PRKCE: variants seen among roughly 807,000 people sequenced by gnomAD.
The protein encoded by PRKCE is protein kinase C epsilon type.
In PRKCE, 16 loss-of-function variants were observed where a neutral mutation model predicts 85.4. That is an observed-to-expected ratio of 0.19 (90% CI 0.13 to 0.28). PRKCE has a LOEUF of 0.28. Ranked by LOEUF, PRKCE falls within the 10% of genes least tolerant of loss-of-function variation. PRKCE has a pLI of 1.00. For missense variants in PRKCE, 573 were observed against 975.2 expected (o/e 0.59, Z 5.49); for synonymous variants, 388 against 371.5 (o/e 1.04, Z -0.51).
chr2:46,046,054 C>G (rs577373865), intron 10 of PRKCE, among the ~76,000 whole-genome samples: 51 of 152,178 alleles, frequency 3.4e-4, no homozygotes, highest in Non-Finnish European at 7.4e-5. Context: ...ACATCCTCAG[C>G]TGTCATGGGA....
Position 46,162,811 on chromosome 2 carries a change from GA to G in PRKCE, c.2067+3067del, listed in dbSNP as rs1038154460. Reference sequence around the variant, plus strand: ...TCTCAGGAGAAATACCAAAATTGGGGAAAAAAAATAAACGAGAGTGGTCCAC... The same window carrying G: ...TCTCAGGAGAAATACCAAAATTGGGGAAAAAAATAAACGAGAGTGGTCCAC... On this transcript the variant is annotated intron_variant, in intron 14 of 14. Transcript: ENST00000306156. Among the ~76,000 whole-genome samples the G allele has an allele frequency of 2.5e-4, 38 of 151,950 alleles. 1 individual carries two copies. In the Middle Eastern group the frequency reaches 0.02, roughly 82 times the overall value.
Position 45,651,983 on chromosome 2 carries a change from G to C in PRKCE, c.-118G>C, listed in dbSNP as rs961363156. Reference sequence around the variant, plus strand: ...ACGCCACAAGGTGTAGGGAGTGTGCGGGGTGGGGCGAAAGGGGACCCAAGA... The same window carrying C: ...ACGCCACAAGGTGTAGGGAGTGTGCCGGGTGGGGCGAAAGGGGACCCAAGA... On this transcript the variant is annotated 5_prime_UTR_variant, in exon 1 of 15. Transcript: ENST00000306156. 2.2e-5 allele frequency: 17 copies of C among 779,992 alleles called. No individual in the cohort carries two copies. Among genetic ancestry groups the C allele is most frequent in the Non-Finnish European group, 3.4e-5 (16 of 476,624 alleles). 48.3% of individuals were successfully genotyped at this position (779,992 alleles called of 1,614,324 possible).
At chr2:45,655,623 C>T (rs959274031) in intron 1 of PRKCE, among the ~76,000 whole-genome samples, 1 of 151,980 alleles carries the variant, frequency 6.6e-6, no homozygotes, top group African/African-American at 2.4e-5. Flanking sequence ...TCCAGAAGTT[C>T]AAGATCAGCC....
chr2:45,815,164 G>A (rs939426676), intron 1 of PRKCE, among the ~76,000 whole-genome samples: 1 of 152,192 alleles, frequency 6.6e-6, no homozygotes, highest in Non-Finnish European at 1.5e-5. Flanking sequence ...AATCTCATAA[G>A]AGGATTATGC....
chr2:46,121,928 A>G (rs1558477423), intron 11 of PRKCE, among the ~76,000 whole-genome samples: 2 of 152,138 alleles, frequency 1.3e-5, no homozygotes, highest in Non-Finnish European at 2.9e-5. Flanking sequence ...AAGGGAAATC[A>G]TTTACATTCA....
intron 1 of PRKCE, among the ~76,000 whole-genome samples, chr2:45,705,616 C>T (rs1437072483): frequency 1.3e-5 from 2 of 152,202 alleles, no homozygotes; most frequent in African/African-American, 4.8e-5. Context: ...AACCTCCACG[C>T]TTTGGCTTCT....
chr2:46,049,372 C>T (rs1708720304), intron 10 of PRKCE, among the ~76,000 whole-genome samples: 1 of 152,218 alleles, frequency 6.6e-6, no homozygotes, highest in Non-Finnish European at 1.5e-5. Context: ...CCAGCTCTCT[C>T]TCATGCCCAC....
At chr2:46,043,809 T>C (rs1708356468) in intron 10 of PRKCE, among the ~76,000 whole-genome samples, 1 of 152,252 alleles carries the variant, frequency 6.6e-6, no homozygotes, top group South Asian at 2.1e-4. Context: ...TTATAATGTA[T>C]CAATTTGTTC....
intron 2 of PRKCE, among the ~76,000 whole-genome samples, chr2:45,955,354 T>A (rs1418270808): frequency 1.3e-5 from 2 of 152,170 alleles, no homozygotes; most frequent in African/African-American, 4.8e-5. Flanking sequence ...GCCAGGAGAC[T>A]GACCTGGTTG....
intron 1 of PRKCE, among the ~76,000 whole-genome samples, chr2:45,717,879 G>T (rs1680275128): frequency 6.6e-6 from 1 of 152,174 alleles, no homozygotes; most frequent in Non-Finnish European, 1.5e-5. Flanking sequence ...TCTACTCTCT[G>T]GGTAACTGGC....
intron 1 of PRKCE, among the ~76,000 whole-genome samples, chr2:45,712,550 G>A (rs571773342): frequency 6.0e-4 from 91 of 152,228 alleles, no homozygotes; most frequent in Admixed American, 4.6e-3. Flanking sequence ...CTCCAGGAAC[G>A]TCTCTCCTCC....
At chr2:45,999,666 C>T (rs1158369036) in intron 6 of PRKCE, among the ~76,000 whole-genome samples, 1 of 151,956 alleles carries the variant, frequency 6.6e-6, no homozygotes, top group Non-Finnish European at 1.5e-5. Flanking sequence ...TTGGGAAATT[C>T]TCTGTCCTCA....
chr2:45,678,290 A>G (rs1026191873), intron 1 of PRKCE, among the ~76,000 whole-genome samples: 1 of 152,236 alleles, frequency 6.6e-6, no homozygotes, highest in African/African-American at 2.4e-5. Context: ...ATTTAATTAA[A>G]AGAATCAAAG....
chr2:45,693,200 G>A (rs575142911), intron 1 of PRKCE, among the ~76,000 whole-genome samples: 9 of 152,308 alleles, frequency 5.9e-5, no homozygotes, highest in African/African-American at 1.2e-4. Flanking sequence ...TGAAAGGGCC[G>A]ATTGGGAGAA....
At chr2:46,022,169 C>T (rs1286039376) in intron 10 of PRKCE, among the ~76,000 whole-genome samples, 1 of 152,178 alleles carries the variant, frequency 6.6e-6, no homozygotes, top group African/African-American at 2.4e-5. Context: ...AGTCAAGAAA[C>T]TGCAGGTCTA....
chr2:46,158,595 C>T (rs1377744448), intron 13 of PRKCE, among the ~76,000 whole-genome samples: 1 of 152,166 alleles, frequency 6.6e-6, no homozygotes, highest in Admixed American at 6.5e-5. Context: ...TAGTTAGAGG[C>T]TCTCTCCCTT....
chr2:46,128,261 C>T (rs1674066050), intron 11 of PRKCE, among the ~76,000 whole-genome samples: 1 of 152,084 alleles, frequency 6.6e-6, no homozygotes, highest in Admixed American at 6.5e-5. Context: ...AATCTGTTTA[C>T]ATGACAGTGA....
intron 1 of PRKCE, among the ~76,000 whole-genome samples, chr2:45,775,285 T>C (rs1480653594): frequency 6.6e-6 from 1 of 152,144 alleles, no homozygotes; most frequent in East Asian, 1.9e-4. Flanking sequence ...GTCTTCCTGC[T>C]CCGTGAGTGT....
rs1705303662 is a variant in PRKCE, at chr2:46,007,461, G to C, written c.1064-1G>C. ...CAATTTCTTGTTCCCCTTGGCCCTA[G>C]AAATAAAAGAACTTGAGAACAACAT... On this transcript the variant is annotated splice_acceptor_variant, in intron 8 of 14. Coordinates refer to ENST00000306156, the MANE Select transcript of PRKCE (RefSeq NM_005400.3). LOFTEE classifies it high-confidence loss of function. 2 of 1,599,662 alleles carry C rather than the reference G, an allele frequency of 1.3e-6. No homozygotes were observed. The highest frequency in any genetic ancestry group is 2.7e-5 in the African/African-American group (2 of 74,942).
Sources: gnomAD v4.1 joint callset for allele counts (sites outside exome capture counted in the v4.1 genomes callset) on GRCh38, gnomAD v4.1.1 for gene constraint, MANE v1.5 for transcripts, NCBI Gene and HGNC (gene_info 2026-07-23, HGNC 2026-07-21) for gene names.